Variants in ADCY3 observed in about 807,000 individuals in gnomAD.
The protein encoded by ADCY3 is adenylate cyclase type 3.
Under a neutral mutation model 119.4 loss-of-function variants are expected in ADCY3, and 70 were observed. The ratio of observed to expected loss-of-function variants is 0.59; its 90% confidence interval spans 0.48 to 0.72. ADCY3 has a LOEUF of 0.72. Ranked by LOEUF, ADCY3 falls within the 30% of genes least tolerant of loss-of-function variation. The pLI is 0.00. For synonymous variants in ADCY3, 672 were observed against 621.4 expected (o/e 1.08, Z -1.21); for missense variants, 1,238 against 1,541.6 (o/e 0.80, Z 3.30).
intron 21 of ADCY3, 37 bp from the exon 22 acceptor site, chr2:24,820,151 G>C (rs367721249): frequency 6.6e-7 from 1 of 1,508,534 alleles, no homozygotes; most frequent in Non-Finnish European, 8.9e-7. Context: ...TGGCGTTACG[G>C]GGGGAGCCTA....
At chr2:24,893,775 C>A (rs1677961368) in intron 2 of ADCY3, among the ~76,000 whole-genome samples, 1 of 151,392 alleles carries the variant, frequency 6.6e-6, no homozygotes. Context: ...TCCTGGCTAA[C>A]TTTAGTATTT....
At chr2:24,887,197 G>T (rs576341499) in intron 2 of ADCY3, among the ~76,000 whole-genome samples, 1 of 152,166 alleles carries the variant, frequency 6.6e-6, no homozygotes, top group Non-Finnish European at 1.5e-5. Context: ...AGCGAAAGGG[G>T]AAGAGCCCTT....
At chr2:24,826,195 A>C (rs771349742) in intron 15 of ADCY3, 69 bp from the exon 16 acceptor site, 14 of 1,403,732 alleles carry the variant, frequency 1.0e-5, no homozygotes, top group African/African-American at 1.4e-5. Context: ...GATTCCCTCC[A>C]ACTAGATGGT....
chr2:24,886,056 G>A (rs1676985192), intron 2 of ADCY3, among the ~76,000 whole-genome samples: 1 of 152,204 alleles, frequency 6.6e-6, no homozygotes, highest in Non-Finnish European at 1.5e-5. Flanking sequence ...TAAAATCCAT[G>A]TTTGTATTTG....
intron 3 of ADCY3, among the ~76,000 whole-genome samples, chr2:24,867,435 A>G (rs879487940): frequency 1.1e-4 from 16 of 152,240 alleles, no homozygotes; most frequent in Admixed American, 3.9e-4. Context: ...TAAAAGGGGC[A>G]TCACATAACA....
chr2:24,820,918 C>G (rs1667551435), intron 20 of ADCY3, 70 bp from the exon 21 acceptor site: 1 of 1,575,592 alleles, frequency 6.3e-7, no homozygotes, highest in Non-Finnish European at 8.6e-7. Context: ...AAGCCATCTC[C>G]TCTCCAGACC....
chr2:24,909,905 G>A lies in ADCY3; in HGVS notation c.675+8408C>T, dbSNP rs1010197955. ...GAGTTAGCCTGGACTTCTTGTAGCC[G>A]ATAGTGATGAGCCTAACCTTTAAAA... On this transcript the variant is annotated intron_variant, in intron 2 of 21. Transcript: ENST00000679454. 3.3e-5 allele frequency among the ~76,000 whole-genome samples: 5 copies of A among 152,186 alleles called. No individual in the cohort carries two copies. In the South Asian group the frequency reaches 6.2e-4, roughly 19 times the overall value.
intron 3 of ADCY3, among the ~76,000 whole-genome samples, chr2:24,865,711 T>C (rs1239084113): frequency 6.6e-6 from 1 of 152,130 alleles, no homozygotes; most frequent in Non-Finnish European, 1.5e-5. Flanking sequence ...GAGGATCTTA[T>C]AGCAGGCCAA....
Position 24,826,035 on chromosome 2 carries a change from CG to C in ADCY3, c.2577+9del. The C allele has an allele frequency of 6.2e-7, 1 of 1,613,370 alleles. No individual in the cohort carries two copies. Among genetic ancestry groups the C allele is most frequent in the East Asian group, 2.2e-5 (1 of 44,874 alleles). On this transcript the variant is annotated intron_variant, in intron 16 of 21. Coordinates refer to ENST00000679454, the MANE Select transcript of ADCY3 (RefSeq NM_004036.5). ...GGGCACAGAGCGGGGATCGTGCAGG[CG>C]GCACTCACGTGGCGGGAGAAGTAGT...
intron 3 of ADCY3, among the ~76,000 whole-genome samples, chr2:24,854,380 G>A (rs1672761228): frequency 6.6e-6 from 1 of 152,220 alleles, no homozygotes; most frequent in African/African-American, 2.4e-5. Flanking sequence ...CTGATCTGGG[G>A]TTAGGCTGCA....
At chr2:24,827,650 C>A (rs1572801658) in intron 14 of ADCY3, 42 bp from the exon 15 acceptor site, 11 of 1,559,250 alleles carry the variant, frequency 7.1e-6, no homozygotes, top group South Asian at 1.2e-5. Context: ...CATCTGGGAA[C>A]AAGAGCCTGA....
At chr2:24,882,413 A>G (rs1182069519) in intron 2 of ADCY3, among the ~76,000 whole-genome samples, 1 of 152,214 alleles carries the variant, frequency 6.6e-6, no homozygotes, top group Non-Finnish European at 1.5e-5. Context: ...TGCTCTTGTC[A>G]GATTCTCCTA....
chr2:24,819,661 AG>A lies in ADCY3; in HGVS notation c.*270del. 5.6e-6 allele frequency: 2 copies of A among 357,156 alleles called. No individual in the cohort carries two copies. Among genetic ancestry groups the A allele is most frequent in the Non-Finnish European group, 1.0e-5 (2 of 197,204 alleles). 22.1% of individuals were successfully genotyped at this position (357,156 alleles called of 1,614,324 possible). On this transcript the variant is annotated 3_prime_UTR_variant, in exon 22 of 22. Coordinates refer to ENST00000679454, the MANE Select transcript of ADCY3 (RefSeq NM_004036.5). The stretch of plus-strand genomic sequence containing the variant: ...CTGCTCACAGTGGTCAGGGCCCCTC[AG>A]GGGCAAGGACGGCAGGGATTGGAAC...
At chr2:24,831,094 G>A (rs1473729564) in intron 12 of ADCY3, among the ~76,000 whole-genome samples, 1 of 152,144 alleles carries the variant, frequency 6.6e-6, no homozygotes, top group African/African-American at 2.4e-5. Flanking sequence ...GTGACGAGGT[G>A]AGGCCAGGGC....
In ADCY3 at chr2:24,834,685, A is replaced by G. The variant is rs775020317; in HGVS notation, c.1806-39T>C. 6.2e-7 allele frequency: 1 copy of G among 1,608,174 alleles called. No homozygotes were observed. The highest frequency in any genetic ancestry group is 8.5e-7 in the Non-Finnish European group (1 of 1,175,162). On this transcript the variant is annotated intron_variant, in intron 10 of 21. Coordinates refer to ENST00000679454, the MANE Select transcript of ADCY3 (RefSeq NM_004036.5). The surrounding 1 kb of genome is among the most constrained non-coding windows in gnomAD (Gnocchi z 4.2). ...AAGCCCCATGAATCCCAAATGCCAC[A>G]TCTGCCTTGGCCTAGCAGGGGGGCC... is the stretch of plus-strand genomic sequence containing the variant.
Position 24,834,415 on chromosome 2 carries a change from C to CGG in ADCY3, c.1967+69_1967+70insCC. 2.0e-6 allele frequency: 2 copies of CGG among 1,025,118 alleles called. No individual in the cohort carries two copies. Among genetic ancestry groups the CGG allele is most frequent in the Non-Finnish European group, 2.8e-6 (2 of 706,122 alleles). 63.5% of individuals were successfully genotyped at this position (1,025,118 alleles called of 1,614,324 possible). A position where few individuals can be genotyped will look rare whatever the true frequency, so the allele number is the denominator to read the frequency against. ...CAATGTCAGGCTCCCGCTGAGACAC[C>CGG]TGCCCCCGCCCCCCGCCCGGCACCA... On this transcript the variant is annotated intron_variant, in intron 11 of 21. Transcript: ENST00000679454. This position sits in a 1 kb window ranked among gnomAD's most constrained non-coding sequence, Gnocchi z 4.2.
intron 2 of ADCY3, among the ~76,000 whole-genome samples, chr2:24,882,828 G>A (rs1407090353): frequency 3.3e-5 from 5 of 152,152 alleles, no homozygotes; most frequent in African/African-American, 9.7e-5. Flanking sequence ...AGGCCGAGGC[G>A]GGTGGATCGC....
chr2:24,854,425 G>C (rs759534015), intron 3 of ADCY3, among the ~76,000 whole-genome samples: 4 of 152,144 alleles, frequency 2.6e-5, no homozygotes, highest in African/African-American at 9.7e-5. Context: ...ACTTCACCCC[G>C]GGGGCTTGGT....
At chr2:24,830,282 G>A (rs1475874726) in intron 13 of ADCY3, among the ~76,000 whole-genome samples, 4 of 151,872 alleles carry the variant, frequency 2.6e-5, no homozygotes, top group South Asian at 2.1e-4. Flanking sequence ...CTCGTGATCC[G>A]CCCACCTTGG....
Sources: gnomAD v4.1 joint callset for allele counts (sites outside exome capture counted in the v4.1 genomes callset) on GRCh38, gnomAD v4.1.1 for gene constraint, Gnocchi (gnomAD v3.1) non-coding constraint, MANE v1.5 for transcripts, NCBI Gene and HGNC (gene_info 2026-07-23, HGNC 2026-07-21) for gene names.